The following LYPD6 variants were observed in gnomAD, a reference collection of about 807,000 sequenced individuals.
The protein encoded by LYPD6 is LY6/PLAUR domain containing 6, also known as ly6/PLAUR domain-containing protein 6.
In LYPD6, 15 loss-of-function variants were observed where a neutral mutation model predicts 22.7. The ratio of observed to expected loss-of-function variants is 0.66; its 90% confidence interval spans 0.44 to 1.02. The LOEUF is 1.02. Among genes scored for constraint, LYPD6 ranks in the 50% least tolerant of loss-of-function variants. LYPD6 has a pLI of 0.00. For missense variants in LYPD6, 189 were observed against 208.4 expected, an observed-to-expected ratio of 0.91 and a Z score of 0.57; for synonymous variants, 72 against 77.5, an observed-to-expected ratio of 0.93 and a Z score of 0.37.
At chr2:149,447,066 G>A (rs62190606) in intron 2 of LYPD6, among the ~76,000 whole-genome samples, 28,650 of 152,190 alleles carry the variant, frequency 0.19, 2,705 homozygotes, top group Middle Eastern at 0.21. Context: ...AGTGTTTGCA[G>A]CTTTCAAATA....
At chr2:149,456,067 A>ACACT (rs1267548231) in intron 3 of LYPD6, among the ~76,000 whole-genome samples, 1 of 152,244 alleles carries the variant, frequency 6.6e-6, no homozygotes, top group East Asian at 1.9e-4. Flanking sequence ...GAGAAAACAC[A>ACACT]TCTTTTTAAA....
At chr2:149,361,281 C>G (rs896379094) in intron 1 of LYPD6, among the ~76,000 whole-genome samples, 1 of 152,296 alleles carries the variant, frequency 6.6e-6, no homozygotes, top group East Asian at 1.9e-4. Flanking sequence ...TCCATTAATA[C>G]AAGTCTCTAG....
rs1681260730 is a variant in LYPD6 at position 149,468,658 on chromosome 2, C to A, written c.231C>A (p.Cys77Ter). 6.2e-7 allele frequency: 1 copy of A among 1,613,248 alleles called. No homozygotes were observed. Among genetic ancestry groups the A allele is most frequent in the Admixed American group, 1.7e-5 (1 of 59,976 alleles). Residue 77 changes from cysteine to a stop codon, truncating the protein, a stop_gained, in exon 4 of 5, where the codon TGC becomes TGA. Transcript: ENST00000334166. LOFTEE classifies it high-confidence loss of function. Reference sequence around the variant, plus strand: ...CTCTGTTGACAGAGACCAGATACTGCTACACTCAGCACACAATGGAAGTCA... The same window carrying A: ...CTCTGTTGACAGAGACCAGATACTGATACACTCAGCACACAATGGAAGTCA... ...DIYCPRETRY[C>*]YTQHTMEVTG... is the part of the protein sequence containing the mutation.
chr2:149,394,688 T>C (rs183367867), intron 1 of LYPD6, among the ~76,000 whole-genome samples: 41 of 152,236 alleles, frequency 2.7e-4, no homozygotes, highest in African/African-American at 8.7e-4. Flanking sequence ...TGGGTATAAA[T>C]AGATTTTCAC....
intron 1 of LYPD6, among the ~76,000 whole-genome samples, chr2:149,334,206 A>G (rs1273726196): frequency 1.3e-5 from 2 of 152,166 alleles, no homozygotes; most frequent in Non-Finnish European, 2.9e-5. Flanking sequence ...ATGAAGGGCA[A>G]CAGATCCCAG....
intron 1 of LYPD6, among the ~76,000 whole-genome samples, chr2:149,362,342 C>T (rs946673114): frequency 6.6e-6 from 1 of 151,860 alleles, no homozygotes; most frequent in Non-Finnish European, 1.5e-5. Flanking sequence ...GACATGGGAG[C>T]CTTCATAAGG....
chr2:149,414,356 CTT>C (rs1682917067), intron 1 of LYPD6, among the ~76,000 whole-genome samples: 1 of 152,110 alleles, frequency 6.6e-6, no homozygotes, highest in Non-Finnish European at 1.5e-5. Flanking sequence ...TAATGACAAA[CTT>C]TCTCATCCAT....
At chr2:149,430,423 G>A (rs1478526149) in intron 1 of LYPD6, among the ~76,000 whole-genome samples, 1 of 152,118 alleles carries the variant, frequency 6.6e-6, no homozygotes, top group East Asian at 1.9e-4. Context: ...TTAAAGCAGG[G>A]CATATCTTGA....
chr2:149,439,369 C>G (rs546770498), intron 2 of LYPD6, among the ~76,000 whole-genome samples: 1 of 152,092 alleles, frequency 6.6e-6, no homozygotes, highest in East Asian at 1.9e-4. Flanking sequence ...AATATTTGTT[C>G]TGTTTTCTAG....
At chr2:149,398,370 G>A (rs1210594199) in intron 1 of LYPD6, among the ~76,000 whole-genome samples, 4 of 151,654 alleles carry the variant, frequency 2.6e-5, no homozygotes, top group African/African-American at 9.7e-5. Flanking sequence ...TCCTATTGTA[G>A]AAGATTATCC....
intron 1 of LYPD6, among the ~76,000 whole-genome samples, chr2:149,380,009 G>A (rs965222659): frequency 8.6e-5 from 13 of 150,964 alleles, no homozygotes; most frequent in African/African-American, 2.5e-4. Flanking sequence ...GATAAGGAAA[G>A]CTTCCCTGAG....
At position 149,437,815 on chromosome 2, in the gene LYPD6, T is replaced by A. The variant is rs1343574168; in HGVS notation, c.107T>A (p.Leu36His). Reference protein sequence around the residue: ...RDFTVKDIIYLHPSTTPYPGG... With the variant: ...RDFTVKDIIYHHPSTTPYPGG... ...TTCACAGTGAAAGACATTATCTACCTCCATCCTTCAAGTAAGACTGTTCTC... is the reference window on the plus strand; with the variant it reads ...TTCACAGTGAAAGACATTATCTACCACCATCCTTCAAGTAAGACTGTTCTC... The change falls in exon 2 of 5, where the codon CTC (leucine) becomes CAC (histidine). Residue 36 changes from leucine (L) to histidine (H), a missense_variant. Physicochemically the swap from Leu to His is moderately conservative, Grantham distance 99. Coordinates refer to ENST00000334166, the MANE Select transcript of LYPD6 (RefSeq NM_194317.5). The A allele has an allele frequency of 1.2e-6, 2 of 1,614,102 alleles. No homozygotes were observed. Among genetic ancestry groups the A allele is most frequent in the South Asian group, 2.2e-5 (2 of 91,084 alleles).
intron 1 of LYPD6, among the ~76,000 whole-genome samples, chr2:149,404,323 C>A (rs1375375606): frequency 6.6e-6 from 1 of 152,188 alleles, no homozygotes; most frequent in Non-Finnish European, 1.5e-5. Context: ...TTACCTTGGG[C>A]AGTATGGCCA....
chr2:149,345,523 GC>G (rs1320704251), intron 1 of LYPD6, among the ~76,000 whole-genome samples: 1 of 149,156 alleles, frequency 6.7e-6, no homozygotes, highest in Non-Finnish European at 1.5e-5. Context: ...CACCATGTTA[GC>G]CAGGACAGTT....
At chr2:149,351,872 G>A (rs1453870619) in intron 1 of LYPD6, among the ~76,000 whole-genome samples, 3 of 151,928 alleles carry the variant, frequency 2.0e-5, no homozygotes, top group African/African-American at 7.3e-5. Context: ...ATGGTAGGTG[G>A]TGCAGGATAA....
chr2:149,404,706 G>T (rs1183177026), intron 1 of LYPD6, among the ~76,000 whole-genome samples: 14 of 152,012 alleles, frequency 9.2e-5, no homozygotes, highest in South Asian at 2.1e-4. Flanking sequence ...TCCTCTTTTC[G>T]TATTTGAATA....
the LYPD6 span, among the ~76,000 whole-genome samples, chr2:149,485,253 T>A: frequency 2.0e-5 from 3 of 152,156 alleles, no homozygotes; most frequent in African/African-American, 7.2e-5. Flanking sequence ...AATGGTACAT[T>A]GGTAGACTAA....
intron 1 of LYPD6, among the ~76,000 whole-genome samples, chr2:149,391,834 A>G (rs902284578): frequency 2.0e-5 from 3 of 152,214 alleles, no homozygotes; most frequent in African/African-American, 7.2e-5. Context: ...TGGTGGGGAA[A>G]TAGAAACTAA....
intron 1 of LYPD6, among the ~76,000 whole-genome samples, chr2:149,353,685 C>T (rs1246349260): frequency 6.6e-6 from 1 of 152,000 alleles, no homozygotes; most frequent in Non-Finnish European, 1.5e-5. Flanking sequence ...TGAATTTGAA[C>T]ATCAGGTTAC....
Sources: allele counts gnomAD v4.1 joint callset (sites outside exome capture counted in the v4.1 genomes callset), GRCh38; gene constraint gnomAD v4.1.1; transcripts MANE v1.5; gene names NCBI Gene and HGNC (gene_info 2026-07-23, HGNC 2026-07-21).